PDE5A: variants seen among roughly 807,000 people sequenced by gnomAD.
PDE5A encodes the protein phosphodiesterase 5A.
A neutral mutation model predicts 110.2 loss-of-function variants in PDE5A; 67 were observed. The ratio of observed to expected loss-of-function variants is 0.61; its 90% CI spans 0.50 to 0.75. The LOEUF is 0.75. Among genes scored for constraint, PDE5A ranks in the 30% least tolerant of loss-of-function variants. PDE5A has a pLI of 0.00. For missense variants in PDE5A, 862 were observed against 1,045.1 expected, an observed-to-expected ratio of 0.82 and a Z score of 2.42; for synonymous variants, 328 against 351.2, an observed-to-expected ratio of 0.93 and a Z score of 0.74.
rs577736976 is a variant in PDE5A at position 119,608,800 on chromosome 4, CAA to C, written c.153-1505_153-1504del. Among the ~76,000 whole-genome samples the C allele has an allele frequency of 1.8e-4, 27 of 152,252 alleles. No homozygotes were observed. The South Asian group carries it at 5.0e-3, about 28-fold the overall frequency. ...AAAAGTCCAGGATAAACAAGTTTGACAATGTACTATTTTGGAGATAGTATAGG... is the reference window on the plus strand; with the variant it reads ...AAAAGTCCAGGATAAACAAGTTTGACTGTACTATTTTGGAGATAGTATAGG... On this transcript the variant is annotated intron_variant, in intron 1 of 20. Coordinates refer to ENST00000354960, the MANE Select transcript of PDE5A (RefSeq NM_001083.4).
rs148293337 is a variant in PDE5A at position 119,514,345 on chromosome 4, G to C, written c.2001-3211C>G. ...TCACCAAGAACAAACAACATCCTTG[G>C]TTCTGCTTCTTAGCCATATATATTA... is the stretch of plus-strand genomic sequence containing the variant. On this transcript the variant is annotated intron_variant, in intron 14 of 20. Coordinates refer to ENST00000354960, the MANE Select transcript of PDE5A (RefSeq NM_001083.4). Among the ~76,000 whole-genome samples the C allele has an allele frequency of 3.6e-3, 548 of 152,130 alleles. 4 individuals are homozygous for C. The highest frequency in any genetic ancestry group is 0.013 in the African/African-American group (534 of 41,506).
In PDE5A at chr4:119,562,851, T is replaced by C; in HGVS notation, c.1113A>G (p.Ile371Met). 1 of 1,577,566 alleles carries C rather than the reference T, an allele frequency of 6.3e-7. No homozygotes were observed. The highest frequency in any genetic ancestry group is 8.6e-7 in the Non-Finnish European group (1 of 1,167,300). ...FMQVQKCTIF[I>M]VDEDCSDSFS... ...TACTCACGGAGCAATCTTCATCCAC[T>C]ATGAAAATGGTGCATTTCTGCACTT... Residue 371 changes from isoleucine (I) to methionine (M), a missense_variant, in exon 6 of 21, where the codon ATA becomes ATG. By Grantham distance (10) the Ile-to-Met change is conservative. Coordinates refer to ENST00000354960, the MANE Select transcript of PDE5A (RefSeq NM_001083.4).
chr4:119,520,894 C>G, intron 13 of PDE5A, 41 bp downstream of exon 13: 1 of 1,520,542 alleles, frequency 6.6e-7, no homozygotes, highest in Non-Finnish European at 8.9e-7. Flanking sequence ...TACTACTAAG[C>G]AACAAAATGT....
chr4:119,517,847 C>T (rs934990386), intron 14 of PDE5A, among the ~76,000 whole-genome samples: 1 of 152,006 alleles, frequency 6.6e-6, no homozygotes, highest in African/African-American at 2.4e-5. Context: ...TGTGGCTTGA[C>T]TCTGTACTAT....
At chr4:119,502,499 AT>A in intron 19 of PDE5A, 81 bp downstream of exon 19, 1 of 765,186 alleles carries the variant, frequency 1.3e-6, no homozygotes. Context: ...CTAAGGAAAG[AT>A]CCCATAGAGC....
intron 7 of PDE5A, among the ~76,000 whole-genome samples, chr4:119,559,143 C>CGGAA (rs2110502066): frequency 1.3e-5 from 2 of 152,094 alleles, no homozygotes; most frequent in South Asian, 2.1e-4. Flanking sequence ...AGATCCTTTC[C>CGGAA]ATTTTTCCTA....
At chr4:119,578,970 A>C (rs1560624879) in intron 3 of PDE5A, among the ~76,000 whole-genome samples, 5 of 152,202 alleles carry the variant, frequency 3.3e-5, no homozygotes, top group Admixed American at 3.3e-4. Flanking sequence ...AGAATCTACA[A>C]AGAACTCAAA....
At chr4:119,606,307 T>C (rs75303243) in intron 2 of PDE5A, among the ~76,000 whole-genome samples, 1 of 141,822 alleles carries the variant, frequency 7.1e-6, no homozygotes, top group South Asian at 2.2e-4. Flanking sequence ...AGACTATGAG[T>C]TTTTTTTTGT....
Position 119,628,585 on chromosome 4 carries a change from C to T in PDE5A, c.87G>A (p.Ser29=). Residue 29 remains serine (S), a synonymous_variant, in exon 1 of 21, where the codon TCG becomes TCA. Coordinates refer to ENST00000354960, the MANE Select transcript of PDE5A (RefSeq NM_001083.4). ...AGTGATCGTCCAGCCATGCTTCGAC[C>T]GAGTCCTGATCCCTCTGCTGCTGCT... is the stretch of plus-strand genomic sequence containing the variant. ...QQKQQQRDQD[S]VEAWLDDHWD... is the part of the protein sequence containing the mutation. The T allele has an allele frequency of 6.2e-7, 1 of 1,613,038 alleles. No homozygotes were observed. The highest frequency in any genetic ancestry group is 8.5e-7 in the Non-Finnish European group (1 of 1,179,374).
At chr4:119,565,205 T>G (rs1237732390) in intron 5 of PDE5A, 116 bp downstream of exon 5, 13 of 673,974 alleles carry the variant, frequency 1.9e-5, no homozygotes, top group South Asian at 7.3e-5. Context: ...AATAAAGTAT[T>G]GAGAAACTGA....
In PDE5A at chr4:119,525,611, G is replaced by C. The variant is rs1433273590; in HGVS notation, c.1717C>G (p.Leu573Val). ...TCAGTAAACATCCGAATTGTACACA[G>C]TGCTGTTTCCAGATCAGACAGCTCA... is the stretch of plus-strand genomic sequence containing the variant. ...DFELSDLETA[L>V]CTIRMFTDLN... The change falls in exon 12 of 21, where the codon CTG becomes GTG. Residue 573 changes from leucine (L) to valine (V), a missense_variant. Transcript: ENST00000354960. The surrounding 1 kb of genome is among the most constrained non-coding windows in gnomAD (Gnocchi z 4.3). 6.2e-7 allele frequency: 1 copy of C among 1,613,220 alleles called. No individual in the cohort carries two copies. The highest frequency in any genetic ancestry group is 1.1e-5 in the South Asian group (1 of 91,052).
At chr4:119,540,440 G>A (rs1020063855) in intron 10 of PDE5A, among the ~76,000 whole-genome samples, 4 of 152,230 alleles carry the variant, frequency 2.6e-5, no homozygotes, top group South Asian at 4.1e-4. Context: ...TCTCCTGCAC[G>A]TGTGAAATTG....
chr4:119,588,174 T>C (rs1439423894), intron 3 of PDE5A, among the ~76,000 whole-genome samples: 3 of 149,694 alleles, frequency 2.0e-5, no homozygotes, highest in African/African-American at 7.3e-5. Context: ...TTTTTTCTTT[T>C]TTTTTTTTTT....
intron 3 of PDE5A, among the ~76,000 whole-genome samples, chr4:119,580,895 A>G (rs1265465868): frequency 1.3e-5 from 2 of 152,264 alleles, no homozygotes; most frequent in Non-Finnish European, 1.5e-5. Context: ...TCACCTTTAC[A>G]CAATACATTG....
At chr4:119,528,946 C>A (rs1313808200) in intron 11 of PDE5A, among the ~76,000 whole-genome samples, 1 of 152,076 alleles carries the variant, frequency 6.6e-6, no homozygotes, top group Non-Finnish European at 1.5e-5. Context: ...CACTTTGGTC[C>A]TGCTTCCTCA....
At chr4:119,622,873 AAAAAG>A (rs1386236417) in intron 1 of PDE5A, among the ~76,000 whole-genome samples, 11 of 150,738 alleles carry the variant, frequency 7.3e-5, no homozygotes, top group Non-Finnish European at 1.5e-4. Flanking sequence ...CGAAAAAAAA[AAAAAG>A]AAAGAAAGAA....
chr4:119,550,608 C>T (rs1266368330), intron 9 of PDE5A, among the ~76,000 whole-genome samples: 1 of 152,144 alleles, frequency 6.6e-6, no homozygotes, highest in Non-Finnish European at 1.5e-5. Flanking sequence ...CAGCCACTCC[C>T]CGTTCCCAGT....
At chr4:119,603,288 T>C (rs1323076968) in intron 2 of PDE5A, among the ~76,000 whole-genome samples, 2 of 152,214 alleles carry the variant, frequency 1.3e-5, no homozygotes, top group Admixed American at 6.5e-5. Context: ...CTCAGGACCA[T>C]AGCCACTTCT....
At chr4:119,621,735 A>G (rs1730152240) in intron 1 of PDE5A, among the ~76,000 whole-genome samples, 1 of 152,214 alleles carries the variant, frequency 6.6e-6, no homozygotes, top group African/African-American at 2.4e-5. Flanking sequence ...AGCTAACCCA[A>G]TCCCGCAAGC....
Sources: gnomAD v4.1 joint callset for allele counts (sites outside exome capture counted in the v4.1 genomes callset) on GRCh38, gnomAD v4.1.1 for gene constraint, Gnocchi (gnomAD v3.1) non-coding constraint, MANE v1.5 for transcripts, NCBI Gene and HGNC (gene_info 2026-07-23, HGNC 2026-07-21) for gene names.